Variants in NEGR1 observed in about 807,000 individuals in gnomAD.
The protein encoded by NEGR1 is neuronal growth regulator 1.
In NEGR1, 10 loss-of-function variants were observed where a neutral mutation model predicts 40.9. The observed-to-expected ratio is 0.24, with a 90% confidence interval of 0.15 to 0.42. The LOEUF is 0.42. Among genes scored for constraint, NEGR1 ranks in the 10% least tolerant of loss-of-function variants. The pLI is 1.00. For synonymous variants in NEGR1, 185 were observed against 166.8 expected (o/e 1.11, Z -0.84); for missense variants, 352 against 438.9 (o/e 0.80, Z 1.77).
At chr1:71,723,525 CT>C (rs1424938529) in intron 3 of NEGR1, among the ~76,000 whole-genome samples, 3 of 152,200 alleles carry the variant, frequency 2.0e-5, no homozygotes, top group Middle Eastern at 3.4e-3. Flanking sequence ...ATAAAACCCC[CT>C]ATCCAACAGG....
At chr1:71,417,048 A>T (rs1233284549) in intron 6 of NEGR1, among the ~76,000 whole-genome samples, 2 of 152,142 alleles carry the variant, frequency 1.3e-5, no homozygotes, top group Non-Finnish European at 2.9e-5. Flanking sequence ...AGGTATTCTG[A>T]TTCTCTGTGC....
chr1:72,103,804 G>A (rs1221451639), intron 1 of NEGR1, among the ~76,000 whole-genome samples: 4 of 152,028 alleles, frequency 2.6e-5, no homozygotes, highest in Non-Finnish European at 4.4e-5. Context: ...GGTGTTGACA[G>A]GAGTGATAAA....
intron 1 of NEGR1, among the ~76,000 whole-genome samples, chr1:72,019,238 T>TA (rs1334197134): frequency 6.6e-6 from 1 of 152,134 alleles, no homozygotes; most frequent in East Asian, 1.9e-4. Context: ...CTTACTGACT[T>TA]AAAATAGTAT....
At chr1:71,911,592 T>C (rs905464368) in intron 2 of NEGR1, among the ~76,000 whole-genome samples, 2 of 152,114 alleles carry the variant, frequency 1.3e-5, no homozygotes, top group African/African-American at 4.8e-5. Context: ...CCAGAAAGAA[T>C]AGTGGCCAAG....
At chr1:71,422,165 C>T in intron 6 of NEGR1, among the ~76,000 whole-genome samples, 1 of 152,118 alleles carries the variant, frequency 6.6e-6, no homozygotes, top group East Asian at 1.9e-4. Flanking sequence ...CTCACGAATA[C>T]AAATGAAGGT....
At chr1:71,414,116 T>C (rs12035944) in intron 6 of NEGR1, among the ~76,000 whole-genome samples, 3 of 152,228 alleles carry the variant, frequency 2.0e-5, no homozygotes, top group East Asian at 3.9e-4. Context: ...AGGAAGCATA[T>C]ACCTAGTGGG....
chr1:71,413,435 T>C (rs1225835882), intron 6 of NEGR1, among the ~76,000 whole-genome samples: 1 of 152,226 alleles, frequency 6.6e-6, no homozygotes, highest in Non-Finnish European at 1.5e-5. Context: ...TAAATCAATC[T>C]TTCTCTGGTC....
At chr1:71,474,893 T>A (rs956350028) in intron 6 of NEGR1, among the ~76,000 whole-genome samples, 1 of 151,964 alleles carries the variant, frequency 6.6e-6, no homozygotes, top group Non-Finnish European at 1.5e-5. Context: ...AACAGAAATA[T>A]GAAATCTATA....
chr1:71,498,835 T>C (rs1013784765), intron 6 of NEGR1, among the ~76,000 whole-genome samples: 4 of 152,110 alleles, frequency 2.6e-5, no homozygotes, highest in Admixed American at 1.3e-4. Flanking sequence ...ACTACTTCAC[T>C]ATAGGGAATA....
intron 1 of NEGR1, among the ~76,000 whole-genome samples, chr1:72,204,113 T>C (rs906808770): frequency 6.6e-6 from 1 of 152,032 alleles, no homozygotes; most frequent in African/African-American, 2.4e-5. Context: ...AGTGAAATGT[T>C]TCAACAAGAA....
intron 2 of NEGR1, among the ~76,000 whole-genome samples, chr1:71,929,120 A>G (rs1933154): frequency 0.081 from 12,245 of 152,104 alleles, 773 homozygotes; most frequent in Admixed American, 0.21. Flanking sequence ...ATGTTCTTAG[A>G]AATGTAGCTT....
At position 72,057,752 on chromosome 1, in the gene NEGR1, T is replaced by C. The variant is rs926493427; in HGVS notation, c.177-122441A>G. 2.0e-5 allele frequency among the ~76,000 whole-genome samples: 3 copies of C among 151,434 alleles called. No homozygotes were observed. The Admixed American group carries it at 2.0e-4, about 10-fold the overall frequency. The stretch of plus-strand genomic sequence containing the variant: ...ATTCAAGATAAATGTGCCAGCATGG[T>C]TGGTGTCTGGTAAGGCCTCTCCTTG... On this transcript the variant is annotated intron_variant, in intron 1 of 6. Coordinates refer to ENST00000357731, the MANE Select transcript of NEGR1 (RefSeq NM_173808.3).
chr1:71,947,342 A>G (rs1646030872), intron 1 of NEGR1, among the ~76,000 whole-genome samples: 1 of 152,000 alleles, frequency 6.6e-6, no homozygotes, highest in African/African-American at 2.4e-5. Flanking sequence ...GTTGGAATGG[A>G]TTTTATGGAC....
intron 1 of NEGR1, among the ~76,000 whole-genome samples, chr1:72,000,766 G>T (rs893345704): frequency 5.9e-5 from 9 of 152,058 alleles, no homozygotes; most frequent in African/African-American, 1.9e-4. Context: ...AGCATCTATT[G>T]TTTATTTTAC....
chr1:72,044,636 A>G (rs1363523346), intron 1 of NEGR1, among the ~76,000 whole-genome samples: 1 of 151,846 alleles, frequency 6.6e-6, no homozygotes, highest in African/African-American at 2.4e-5. Flanking sequence ...ATAAAATCAT[A>G]CTTTCATTCA....
In NEGR1 at chr1:71,872,052, A is replaced by T. The variant is rs188862302; in HGVS notation, c.409+63027T>A. Among the ~76,000 whole-genome samples the T allele has an allele frequency of 1.6e-3, 242 of 152,320 alleles. 2 individuals carry two copies. The highest frequency in any genetic ancestry group is 5.4e-3 in the African/African-American group (225 of 41,564). ...TTAGTACTCTGGCCAGCTAAATAAT[A>T]CAATGGAATAAAAATAAATGATGAC... On this transcript the variant is annotated intron_variant, in intron 2 of 6. Transcript: ENST00000357731.
At chr1:71,610,626 G>A (rs552174126) in intron 5 of NEGR1, among the ~76,000 whole-genome samples, 1 of 152,280 alleles carries the variant, frequency 6.6e-6, no homozygotes, top group African/African-American at 2.4e-5. Context: ...CAGGTGAAAG[G>A]GTTGAGGCTT....
At chr1:72,102,930 T>C (rs886226210) in intron 1 of NEGR1, among the ~76,000 whole-genome samples, 2 of 152,034 alleles carry the variant, frequency 1.3e-5, no homozygotes, top group Non-Finnish European at 2.9e-5. Flanking sequence ...GTTAGCGGAA[T>C]GGCAATTGCT....
intron 6 of NEGR1, among the ~76,000 whole-genome samples, chr1:71,491,179 C>T (rs1416628440): frequency 3.3e-5 from 5 of 151,906 alleles, no homozygotes; most frequent in African/African-American, 1.2e-4. Flanking sequence ...CTAAACAATA[C>T]AACAACTATT....
Sources: allele counts gnomAD v4.1 joint callset (sites outside exome capture counted in the v4.1 genomes callset), GRCh38; gene constraint gnomAD v4.1.1; transcripts MANE v1.5; gene names NCBI Gene and HGNC (gene_info 2026-07-23, HGNC 2026-07-21).